The following FRMPD4 variants were observed in gnomAD, a reference collection of about 807,000 sequenced individuals.
The protein encoded by FRMPD4 is FERM and PDZ domain containing 4.
A neutral mutation model predicts 94.1 loss-of-function variants in FRMPD4; 22 were observed. That is an observed-to-expected ratio of 0.23 (90% CI 0.17 to 0.33). The LOEUF is 0.33. Among genes scored for constraint, FRMPD4 ranks in the 10% least tolerant of loss-of-function variants. FRMPD4 has a pLI of 1.00. For missense variants in FRMPD4, 1,111 were observed against 1,339.9 expected (o/e 0.83, Z 2.67); for synonymous variants, 631 against 548.6 (o/e 1.15, Z -2.10).
chrX:12,567,594 G>A (rs950839183), intron 2 of FRMPD4, among the ~76,000 whole-genome samples: 1 of 112,161 alleles, frequency 8.9e-6, no homozygotes, highest in Non-Finnish European at 1.9e-5. Context: ...AATTGAAATA[G>A]TTGGGTAGAT....
rs138809788 is a variant in FRMPD4, at chrX:12,031,992, G to T, written c.95+153974G>T. 7.6e-3 allele frequency among the ~76,000 whole-genome samples: 854 copies of T among 111,798 alleles called. 20 individuals carry two copies. The highest frequency in any genetic ancestry group is 0.058 in the Admixed American group (609 of 10,513). On this transcript the variant is annotated intron_variant, in intron 3 of 18. Transcript: ENST00000640291. ...GGATGTGGTGGATGAAGGCATGGGA[G>T]AATTCTGGAGCTAACCCCAGGTTTT...
At chrX:12,072,113 C>A (rs979598855) in intron 3 of FRMPD4, among the ~76,000 whole-genome samples, 12 of 111,429 alleles carry the variant, frequency 1.1e-4, no homozygotes, top group Non-Finnish European at 2.1e-4. Flanking sequence ...ATCTCAGCCC[C>A]CTCAGTAGCT....
At chrX:12,434,728 G>A (rs1370253842) in intron 1 of FRMPD4, among the ~76,000 whole-genome samples, 1 of 112,491 alleles carries the variant, frequency 8.9e-6, no homozygotes, top group East Asian at 2.8e-4. Context: ...TGGTGCTGGG[G>A]TGAATACCCA....
At chrX:12,518,005 G>A (rs780129331) in intron 2 of FRMPD4, among the ~76,000 whole-genome samples, 1 of 112,376 alleles carries the variant, frequency 8.9e-6, no homozygotes, top group African/African-American at 3.2e-5. Context: ...CAGCTGCTGT[G>A]TGGGCTATGG....
intron 2 of FRMPD4, among the ~76,000 whole-genome samples, chrX:12,540,439 A>C (rs768552669): frequency 6.3e-5 from 7 of 111,656 alleles, no homozygotes; most frequent in Non-Finnish European, 1.3e-4. Context: ...GGATTGCAAT[A>C]CTAGTCTCTG....
chrX:12,049,017 TA>T (rs764092219), intron 3 of FRMPD4, among the ~76,000 whole-genome samples: 10 of 111,657 alleles, frequency 9.0e-5, no homozygotes, highest in African/African-American at 1.6e-4. Flanking sequence ...TCTAATTCTG[TA>T]AAAAAATGAA....
At chrX:12,106,723 G>T (rs894150235) in intron 3 of FRMPD4, among the ~76,000 whole-genome samples, 123 of 111,836 alleles carry the variant, frequency 1.1e-3, no homozygotes, top group African/African-American at 4.0e-3. Context: ...CTTTTCCAAC[G>T]GTCTTAGCAA....
chrX:12,057,495 T>C (rs773430004), intron 3 of FRMPD4, among the ~76,000 whole-genome samples: 2 of 112,290 alleles, frequency 1.8e-5, no homozygotes, highest in African/African-American at 6.5e-5. Flanking sequence ...AATTGAAGTA[T>C]ACTTTCTGAA....
intron 2 of FRMPD4, among the ~76,000 whole-genome samples, chrX:12,518,610 T>C (rs1265080543): frequency 8.9e-6 from 1 of 111,891 alleles, no homozygotes; most frequent in African/African-American, 3.3e-5. Context: ...GTTAACATTA[T>C]ACTCAATGCT....
chrX:11,970,910 C>T (rs761396183), intron 3 of FRMPD4, among the ~76,000 whole-genome samples: 1 of 111,707 alleles, frequency 9.0e-6, no homozygotes, highest in Non-Finnish European at 1.9e-5. Context: ...TTGAGTGTCC[C>T]CCAGTTTAAG....
intron 1 of FRMPD4, among the ~76,000 whole-genome samples, chrX:12,487,523 A>G (rs1486399248): frequency 8.9e-6 from 1 of 112,089 alleles, no homozygotes; most frequent in Non-Finnish European, 1.9e-5. Context: ...AAGAGCCGAG[A>G]AGGAGAAAGA....
chrX:12,335,544 C>T (rs1179612785), intron 1 of FRMPD4, among the ~76,000 whole-genome samples: 1 of 111,476 alleles, frequency 9.0e-6, no homozygotes, highest in Non-Finnish European at 1.9e-5. Context: ...TATTATAAGC[C>T]TCCTTCCCCT....
chrX:12,269,937 G>T (rs1170606565), intron 1 of FRMPD4, among the ~76,000 whole-genome samples: 1 of 112,374 alleles, frequency 8.9e-6, no homozygotes, highest in Non-Finnish European at 1.9e-5. Context: ...TGGCATAGGT[G>T]AGGGGAGTGA....
chrX:12,406,163 C>T (rs1166745636), intron 1 of FRMPD4, among the ~76,000 whole-genome samples: 2 of 110,483 alleles, frequency 1.8e-5, no homozygotes, highest in Non-Finnish European at 1.9e-5. Context: ...CATCCTATAA[C>T]GCACAGGACA....
At chrX:12,451,733 C>CGTGTGTGTGTGTGTGTGTGTGTGT (rs72300557) in intron 1 of FRMPD4, among the ~76,000 whole-genome samples, 2 of 98,813 alleles carry the variant, frequency 2.0e-5, no homozygotes, top group African/African-American at 7.3e-5. Context: ...TGTGTATGCC[C>CGTGTGTGTGTGTGTGTGTGTGTGT]GTGTGTGTGT....
At chrX:11,849,474 A>T (rs1419585628) in intron 1 of FRMPD4, among the ~76,000 whole-genome samples, 1 of 111,459 alleles carries the variant, frequency 9.0e-6, no homozygotes, top group Non-Finnish European at 1.9e-5. Flanking sequence ...ACAGTCTTGA[A>T]AAAGAAAAAA....
intron 1 of FRMPD4, among the ~76,000 whole-genome samples, chrX:12,308,795 A>G (rs1313100916): frequency 1.8e-5 from 2 of 112,432 alleles, no homozygotes; most frequent in Non-Finnish European, 3.8e-5. Context: ...TGCTAAGGAA[A>G]AAAAAATGGG....
intron 1 of FRMPD4, among the ~76,000 whole-genome samples, chrX:12,332,727 G>A (rs7050197): frequency 0.058 from 6,405 of 111,097 alleles, 431 homozygotes; most frequent in African/African-American, 0.19. Flanking sequence ...TGGCAATTTT[G>A]AAAAATAGAA....
intron 1 of FRMPD4, among the ~76,000 whole-genome samples, chrX:12,354,390 C>T (rs912796014): frequency 2.7e-5 from 3 of 111,963 alleles, no homozygotes; most frequent in Admixed American, 9.5e-5. Context: ...GAGATTGGCT[C>T]GCAGCTTGAT....
Sources: allele counts gnomAD v4.1 joint callset (sites outside exome capture counted in the v4.1 genomes callset), GRCh38; gene constraint gnomAD v4.1.1; transcripts MANE v1.5; gene names NCBI Gene and HGNC (gene_info 2026-07-23, HGNC 2026-07-21).